Variants in KLHL3 observed in about 807,000 individuals in gnomAD.
KLHL3 encodes kelch like family member 3.
KLHL3 carries 19 observed loss-of-function variants against 70.5 expected under a neutral mutation model. The observed-to-expected ratio is 0.27, with a 90% confidence interval of 0.19 to 0.40. The LOEUF (loss-of-function observed/expected upper bound fraction) is 0.40, where lower values mean the gene tolerates loss of function less well. KLHL3 is among the 10% of genes least tolerant of loss of function. KLHL3 has a pLI of 1.00. For synonymous variants in KLHL3, 258 were observed against 290.3 expected, an observed-to-expected ratio of 0.89 and a Z score of 1.13; for missense variants, 512 against 771.1, an observed-to-expected ratio of 0.66 and a Z score of 3.98.
intron 5 of KLHL3, among the ~76,000 whole-genome samples, chr5:137,689,796 A>C (rs1437014225): frequency 1.3e-5 from 2 of 152,206 alleles, no homozygotes; most frequent in East Asian, 1.9e-4. Flanking sequence ...CTGCATATGT[A>C]CCTCTTGAAT....
intron 4 of KLHL3, among the ~76,000 whole-genome samples, chr5:137,696,302 T>C (rs1383217004): frequency 6.7e-6 from 1 of 149,612 alleles, no homozygotes; most frequent in Non-Finnish European, 1.5e-5. Context: ...TGGCACAGAA[T>C]CAGTGCCACA....
intron 1 of KLHL3, among the ~76,000 whole-genome samples, chr5:137,724,188 G>C (rs1040428013): frequency 1.3e-5 from 2 of 152,196 alleles, no homozygotes; most frequent in Admixed American, 1.3e-4. Flanking sequence ...ACTGTGGAGA[G>C]ACTTAAAAGC....
At chr5:137,680,898 G>C (rs761882100) in intron 5 of KLHL3, among the ~76,000 whole-genome samples, 4 of 152,080 alleles carry the variant, frequency 2.6e-5, no homozygotes, top group Non-Finnish European at 4.4e-5. Flanking sequence ...TTGGGACCAG[G>C]CACAGTGGCT....
rs952494123 is a variant in KLHL3 at position 137,731,729 on chromosome 5, T to C, written c.14+3904A>G. Reference sequence around the variant, plus strand: ...ATCTCTGTGCTTCTGATGAAGAAAATAATCACAATTTTAAGAAAAATAGAC... The same window carrying C: ...ATCTCTGTGCTTCTGATGAAGAAAACAATCACAATTTTAAGAAAAATAGAC... On this transcript the variant is annotated intron_variant, in intron 1 of 14. Transcript: ENST00000309755. Among the ~76,000 whole-genome samples, 15 of 152,086 alleles carry C rather than the reference T, an allele frequency of 9.9e-5. 1 individual carries two copies. Among genetic ancestry groups the C allele is most frequent in the African/African-American group, 3.6e-4 (15 of 41,418 alleles).
At chr5:137,667,293 A>G (rs1423981388) in intron 6 of KLHL3, among the ~76,000 whole-genome samples, 1 of 152,230 alleles carries the variant, frequency 6.6e-6, no homozygotes, top group East Asian at 1.9e-4. Flanking sequence ...AGCAGAGACT[A>G]TAGATTCAAT....
chr5:137,662,138 T>G, intron 6 of KLHL3, 107 bp from the exon 7 acceptor site: 2 of 646,852 alleles, frequency 3.1e-6, no homozygotes, highest in Non-Finnish European at 5.4e-6. Context: ...AAGTTATGAG[T>G]CATCCACAAA....
chr5:137,664,512 T>C lies in KLHL3; in HGVS notation c.637-2481A>G, dbSNP rs111417168. ...AATGTAATAACTGATTGAACAAAGA[T>C]CACCAATGGATGCTAAAATCGAAAG... On this transcript the variant is annotated intron_variant, in intron 6 of 14. Coordinates refer to ENST00000309755, the MANE Select transcript of KLHL3 (RefSeq NM_017415.3). 2.8e-4 allele frequency among the ~76,000 whole-genome samples: 42 copies of C among 152,086 alleles called. 2 individuals carry two copies. Among genetic ancestry groups the C allele is most frequent in the African/African-American group, 9.9e-4 (41 of 41,500 alleles).
intron 11 of KLHL3, among the ~76,000 whole-genome samples, chr5:137,635,878 A>G (rs554473265): frequency 1.1e-4 from 17 of 152,324 alleles, no homozygotes; most frequent in African/African-American, 3.8e-4. Context: ...AATTACCACC[A>G]TTATGGCACC....
intron 4 of KLHL3, among the ~76,000 whole-genome samples, chr5:137,696,285 GTGGGTC>G (rs1242372277): frequency 6.6e-6 from 1 of 152,146 alleles, no homozygotes; most frequent in Non-Finnish European, 1.5e-5. Flanking sequence ...CAATCACACA[GTGGGTC>G]TGGCACAGAA....
intron 12 of KLHL3, among the ~76,000 whole-genome samples, chr5:137,631,069 CAAAAAA>C (rs70979549): frequency 8.5e-5 from 9 of 105,790 alleles, no homozygotes; most frequent in African/African-American, 1.8e-4. Flanking sequence ...TCCAAAAATA[CAAAAAA>C]AAAAAAAAAA....
rs71583283 is a variant in KLHL3, at chr5:137,628,732, G to GACAT, written c.1451-299_1451-296dup. 478 of 137,140 alleles carry GACAT rather than the reference G, an allele frequency of 3.5e-3. 3 individuals carry two copies. Among genetic ancestry groups the GACAT allele is most frequent in the African/African-American group, 0.015 (457 of 31,192 alleles). 8.5% of individuals were successfully genotyped at this position (137,140 alleles called of 1,614,324 possible). On this transcript the variant is annotated intron_variant, in intron 12 of 14. Transcript: ENST00000309755. ...ATATATACACACACACAGACAGACA[G>GACAT]ACATACATACATACATACATACATA...
At chr5:137,701,132 A>T (rs2149923779) in intron 3 of KLHL3, among the ~76,000 whole-genome samples, 1 of 152,080 alleles carries the variant, frequency 6.6e-6, no homozygotes, top group South Asian at 2.1e-4. Flanking sequence ...TCCCGTGTTC[A>T]AGTGATTCTC....
chr5:137,654,105 T>A (rs188321570), intron 8 of KLHL3, among the ~76,000 whole-genome samples: 1 of 152,148 alleles, frequency 6.6e-6, no homozygotes, highest in Non-Finnish European at 1.5e-5. Flanking sequence ...AAGAAGAGGA[T>A]TGACTACAAA....
chr5:137,695,038 T>C (rs767465136), intron 4 of KLHL3, among the ~76,000 whole-genome samples: 6 of 152,106 alleles, frequency 3.9e-5, no homozygotes, highest in Non-Finnish European at 8.8e-5. Context: ...CATACGCATA[T>C]ACAAGATCAT....
At chr5:137,625,938 G>A in intron 13 of KLHL3, 42 bp from the exon 14 acceptor site, 1 of 1,612,872 alleles carries the variant, frequency 6.2e-7, no homozygotes, top group Non-Finnish European at 8.5e-7. Context: ...CACAGCAGGT[G>A]CACTAAGAGA....
At chr5:137,722,610 T>A (rs1481610730) in intron 1 of KLHL3, among the ~76,000 whole-genome samples, 2 of 152,330 alleles carry the variant, frequency 1.3e-5, no homozygotes, top group East Asian at 3.9e-4. Flanking sequence ...AGAAAAATGT[T>A]AACTTCTATG....
chr5:137,638,187 A>C (rs963428079), intron 10 of KLHL3, among the ~76,000 whole-genome samples: 2 of 152,160 alleles, frequency 1.3e-5, no homozygotes, highest in Non-Finnish European at 2.9e-5. Flanking sequence ...CCACTCACTA[A>C]AGGCAGCCTC....
At chr5:137,680,509 T>C (rs1015811275) in intron 5 of KLHL3, among the ~76,000 whole-genome samples, 1 of 152,102 alleles carries the variant, frequency 6.6e-6, no homozygotes, top group African/African-American at 2.4e-5. Flanking sequence ...GTGTTCCCAC[T>C]TTCCAAAGTC....
rs1216424616 is a variant in KLHL3, at chr5:137,692,305, T to A, written c.506A>T (p.Gln169Leu). 25 of 1,612,720 alleles carry A rather than the reference T, an allele frequency of 1.6e-5. No homozygotes were observed. The highest frequency in any genetic ancestry group is 1.9e-5 in the Non-Finnish European group (23 of 1,179,896). ...CTTACCTGCGTAGGCATTGGCCTGC[T>A]GCAGAAGGTCAGTGCAGGTGTGTAC... is the stretch of plus-strand genomic sequence containing the variant. ...ADVHTCTDLL[Q>L]QANAYAEQHF... The change falls in exon 5 of 15, where the codon CAG becomes CTG. Residue 169 changes from glutamine (Q) to leucine (L), a missense_variant. Coordinates refer to ENST00000309755, the MANE Select transcript of KLHL3 (RefSeq NM_017415.3).
Sources: allele counts gnomAD v4.1 joint callset (sites outside exome capture counted in the v4.1 genomes callset), GRCh38; gene constraint gnomAD v4.1.1; transcripts MANE v1.5; gene names NCBI Gene and HGNC (gene_info 2026-07-23, HGNC 2026-07-21).